ST18: variants seen among roughly 807,000 people sequenced by gnomAD.
ST18 encodes suppression of tumorigenicity 18 protein.
Under a neutral mutation model 110.0 loss-of-function variants are expected in ST18, and 50 were observed. The observed-to-expected ratio is 0.45, with a 90% CI of 0.36 to 0.58. ST18 has a LOEUF of 0.58. Ranked by LOEUF, ST18 falls within the 20% of genes least tolerant of loss-of-function variation. The pLI is 0.00. For synonymous variants in ST18, 461 were observed against 452.4 expected (o/e 1.02, Z -0.24); for missense variants, 1,306 against 1,280.1 (o/e 1.02, Z -0.31).
intron 2 of ST18, among the ~76,000 whole-genome samples, chr8:52,307,765 T>C (rs1367717530): frequency 6.6e-6 from 1 of 152,206 alleles, no homozygotes; most frequent in African/African-American, 2.4e-5. Context: ...TTCTTAGTTA[T>C]TACAGTAGCC....
intron 2 of ST18, among the ~76,000 whole-genome samples, chr8:52,308,274 C>A (rs1419844584): frequency 6.6e-6 from 1 of 152,212 alleles, no homozygotes; most frequent in Non-Finnish European, 1.5e-5. Flanking sequence ...CTATGCCACT[C>A]TCACTATTTT....
At chr8:52,165,065 T>C (rs2062505705) in intron 12 of ST18, 70 bp downstream of exon 12, 36 of 1,475,240 alleles carry the variant, frequency 2.4e-5, no homozygotes, top group Non-Finnish European at 3.4e-5. Context: ...TGGTAACCCA[T>C]TATTTTATTG....
At chr8:52,168,116 G>A (rs1237640814) in intron 10 of ST18, among the ~76,000 whole-genome samples, 2 of 151,208 alleles carry the variant, frequency 1.3e-5, no homozygotes, top group African/African-American at 4.9e-5. Context: ...ACCATGGGGA[G>A]AGCCTGTCCC....
chr8:52,160,407 C>T lies in ST18; in HGVS notation c.1594+968G>A, dbSNP rs141046005. ...AGTCTGTTTACTACTGGGTTTTACA[C>T]GAAATTCTAGTTCTCTGAAAGAATT... is the stretch of plus-strand genomic sequence containing the variant. On this transcript the variant is annotated intron_variant, in intron 14 of 25. Coordinates refer to ENST00000689386, the MANE Select transcript of ST18 (RefSeq NM_001352837.2). 3.6e-3 allele frequency among the ~76,000 whole-genome samples: 555 copies of T among 152,262 alleles called. 3 individuals are homozygous for T. The highest frequency in any genetic ancestry group is 0.02 in the Middle Eastern group (6 of 294).
At chr8:52,386,456 C>G (rs1836799593) in intron 2 of ST18, among the ~76,000 whole-genome samples, 1 of 146,248 alleles carries the variant, frequency 6.8e-6, no homozygotes, top group Non-Finnish European at 1.5e-5. Context: ...AAAAGGCAGT[C>G]TTGTTTTTTT....
chr8:52,321,475 TAATC>T (rs1803874214), intron 2 of ST18, among the ~76,000 whole-genome samples: 1 of 152,216 alleles, frequency 6.6e-6, no homozygotes, highest in South Asian at 2.1e-4. Context: ...ATTTAAATAA[TAATC>T]AAGACAATGG....
chr8:52,150,888 G>C (rs574658108), intron 15 of ST18: 5 of 152,250 alleles, frequency 3.3e-5, no homozygotes, highest in Admixed American at 1.3e-4. Flanking sequence ...CACGTGCCTC[G>C]TATGTTCTAC....
intron 22 of ST18, among the ~76,000 whole-genome samples, chr8:52,131,301 C>A (rs915342743): frequency 3.3e-5 from 5 of 152,196 alleles, no homozygotes; most frequent in African/African-American, 7.2e-5. Context: ...TGTAGGGAAG[C>A]TTCTAATCTT....
At chr8:52,163,946 G>T in intron 13 of ST18, 40 bp downstream of exon 13, 1 of 1,518,836 alleles carries the variant, frequency 6.6e-7, no homozygotes, top group Non-Finnish European at 9.1e-7. Context: ...GCAGGAGCCT[G>T]GATGAAGAGA....
At chr8:52,242,051 C>G (rs553351854) in intron 2 of ST18, among the ~76,000 whole-genome samples, 1 of 152,112 alleles carries the variant, frequency 6.6e-6, no homozygotes, top group Non-Finnish European at 1.5e-5. Flanking sequence ...TTTTTGTCAA[C>G]CCTCAATAAC....
At chr8:52,197,857 A>G (rs564130469) in intron 8 of ST18, among the ~76,000 whole-genome samples, 10 of 150,940 alleles carry the variant, frequency 6.6e-5, no homozygotes, top group Non-Finnish European at 1.5e-4. Flanking sequence ...GAAGATAGAG[A>G]CCCACAGAGG....
At chr8:52,186,549 A>T (rs545405725) in intron 8 of ST18, among the ~76,000 whole-genome samples, 1 of 152,310 alleles carries the variant, frequency 6.6e-6, no homozygotes, top group East Asian at 1.9e-4. Flanking sequence ...TGGCCCAGAA[A>T]TTCCATTCCT....
At chr8:52,357,676 AATATATATATATATATATATATATAT>A (rs71252934) in intron 2 of ST18, among the ~76,000 whole-genome samples, 716 of 38,458 alleles carry the variant, frequency 0.019, 26 homozygotes, top group African/African-American at 0.049. Context: ...AAAATCTATA[AATATATATATATATATATATATATAT>A]ATATATATAT....
At chr8:52,180,036 C>G (rs2068715166) in intron 9 of ST18, 86 bp downstream of exon 9, 1 of 1,357,726 alleles carries the variant, frequency 7.4e-7, no homozygotes, top group Non-Finnish European at 1.0e-6. Flanking sequence ...ACCATACAAA[C>G]CATACAAACC....
At chr8:52,357,608 G>C (rs1191371345) in intron 2 of ST18, among the ~76,000 whole-genome samples, 1 of 140,254 alleles carries the variant, frequency 7.1e-6, no homozygotes, top group Non-Finnish European at 1.5e-5. Flanking sequence ...TCAACAAAAA[G>C]TTCAATCCAT....
intron 8 of ST18, among the ~76,000 whole-genome samples, chr8:52,191,817 A>G (rs910002299): frequency 3.9e-5 from 6 of 152,178 alleles, no homozygotes; most frequent in Non-Finnish European, 8.8e-5. Context: ...GGGCAAAGCG[A>G]AGAGCTTAGC....
rs146137985 is a variant in ST18 at position 52,311,031 on chromosome 8, C to G, written c.-464-80954G>C. On this transcript the variant is annotated intron_variant, in intron 2 of 25. Transcript: ENST00000689386. ...TCACATCACACCTCTCAATGGATTGCACATGGAAACGAACTAAAGACAGAA... is the reference window on the plus strand; with the variant it reads ...TCACATCACACCTCTCAATGGATTGGACATGGAAACGAACTAAAGACAGAA... Among the ~76,000 whole-genome samples, 916 of 152,286 alleles carry G rather than the reference C, an allele frequency of 6.0e-3. 7 individuals are homozygous for G. The highest frequency in any genetic ancestry group is 0.021 in the African/African-American group (868 of 41,554).
intron 2 of ST18, among the ~76,000 whole-genome samples, chr8:52,360,148 A>G (rs1267943901): frequency 6.6e-6 from 1 of 152,108 alleles, no homozygotes; most frequent in Non-Finnish European, 1.5e-5. Flanking sequence ...TTTGTGCCAA[A>G]GTTTATAGTT....
chr8:52,387,762 A>G (rs1300484522), intron 2 of ST18, among the ~76,000 whole-genome samples: 1 of 152,186 alleles, frequency 6.6e-6, no homozygotes, highest in Admixed American at 6.5e-5. Flanking sequence ...ATGTCTGGAT[A>G]GATCCTTTGA....
Sources: allele counts gnomAD v4.1 joint callset (sites outside exome capture counted in the v4.1 genomes callset), GRCh38; gene constraint gnomAD v4.1.1; transcripts MANE v1.5; gene names NCBI Gene and HGNC (gene_info 2026-07-23, HGNC 2026-07-21).